The following DCDC2 variants were observed in gnomAD, a reference collection of about 807,000 sequenced individuals.
DCDC2 encodes the protein doublecortin domain containing 2.
In DCDC2, 40 loss-of-function variants were observed where a neutral mutation model predicts 50.2. The observed-to-expected ratio is 0.80, with a 90% CI of 0.62 to 1.04. The LOEUF (loss-of-function observed/expected upper bound fraction) is 1.04, where lower values mean the gene tolerates loss of function less well. Among genes scored for constraint, DCDC2 ranks in the 50% least tolerant of loss-of-function variants. DCDC2 has a pLI of 0.00. For synonymous variants in DCDC2, 234 were observed against 210.6 expected, an observed-to-expected ratio of 1.11 and a Z score of -0.96; for missense variants, 570 against 581.9, an observed-to-expected ratio of 0.98 and a Z score of 0.21.
chr6:24,338,351 TA>T (rs1255432277), intron 2 of DCDC2, among the ~76,000 whole-genome samples: 5 of 150,470 alleles, frequency 3.3e-5, no homozygotes, highest in East Asian at 1.9e-4. Context: ...TCACCGCCAT[TA>T]AAAAAAAACA....
At chr6:24,372,929 CA>C in the DCDC2 span, among the ~76,000 whole-genome samples, 36 of 150,930 alleles carry the variant, frequency 2.4e-4, no homozygotes, top group Middle Eastern at 3.4e-3. Context: ...AAAAATAAAA[CA>C]AAAAAAAGAA....
At chr6:24,366,330 A>G in the DCDC2 span, among the ~76,000 whole-genome samples, 1 of 152,176 alleles carries the variant, frequency 6.6e-6, no homozygotes, top group Non-Finnish European at 1.5e-5. Context: ...TTACAATTTT[A>G]TTTCTCTGAA....
intron 6 of DCDC2, among the ~76,000 whole-genome samples, chr6:24,284,999 G>A (rs1357410563): frequency 6.6e-6 from 1 of 152,002 alleles, no homozygotes; most frequent in Middle Eastern, 3.4e-3. Flanking sequence ...CTAGTTGATC[G>A]TCTGTCTACT....
At chr6:24,196,314 C>T (rs1188227841) in intron 8 of DCDC2, among the ~76,000 whole-genome samples, 1 of 151,920 alleles carries the variant, frequency 6.6e-6, no homozygotes. Flanking sequence ...CTCTAATTAA[C>T]ATGGTACAGC....
At chr6:24,333,695 TA>T (rs1246401170) in intron 2 of DCDC2, among the ~76,000 whole-genome samples, 1 of 152,200 alleles carries the variant, frequency 6.6e-6, no homozygotes, top group Non-Finnish European at 1.5e-5. Context: ...TGATGAGTTT[TA>T]AACTCAATGG....
intron 2 of DCDC2, among the ~76,000 whole-genome samples, chr6:24,306,668 G>A (rs556287517): frequency 1.3e-5 from 2 of 152,154 alleles, no homozygotes; most frequent in African/African-American, 2.4e-5. Context: ...TAGGAGTCTA[G>A]TGCAGAATTT....
Position 24,174,606 on chromosome 6 carries a change from T to A in DCDC2, c.*124A>T, listed in dbSNP as rs7764902. On this transcript the variant is annotated 3_prime_UTR_variant, in exon 10 of 10. Transcript: ENST00000378454. ...TCTTTCCACTAGGCTTCTAATGTTA[T>A]AATTCGTAGGTAGTATTCGACCATA... The A allele has an allele frequency of 0.064, 37,458 of 585,542 alleles. 5,438 individuals are homozygous for A. Among genetic ancestry groups the A allele is most frequent in the African/African-American group, 0.43 (23,227 of 53,436 alleles). The allele number at this position is 585,542 out of a possible 1,614,324, so 36.3% of individuals were successfully genotyped here. A position where few individuals can be genotyped will look rare whatever the true frequency, so the allele number is the denominator to read the frequency against.
intron 6 of DCDC2, among the ~76,000 whole-genome samples, chr6:24,282,410 T>G (rs184413110): frequency 6.6e-6 from 1 of 151,678 alleles, no homozygotes; most frequent in East Asian, 1.9e-4. Flanking sequence ...ACCTGGCTAA[T>G]TTTTGTATTT....
intron 2 of DCDC2, among the ~76,000 whole-genome samples, chr6:24,317,470 A>G (rs1243686363): frequency 6.6e-6 from 1 of 152,070 alleles, no homozygotes; most frequent in Non-Finnish European, 1.5e-5. Flanking sequence ...TTCGATCCAT[A>G]TCTTATACTA....
rs546902916 is a variant in DCDC2 at position 24,239,929 on chromosome 6, TATA to T, written c.923-34830_923-34828del. Among the ~76,000 whole-genome samples, 411 of 152,334 alleles carry T rather than the reference TATA, an allele frequency of 2.7e-3. 1 individual carries two copies. Among genetic ancestry groups the T allele is most frequent in the African/African-American group, 9.3e-3 (387 of 41,578 alleles). On this transcript the variant is annotated intron_variant, in intron 7 of 9. Coordinates refer to ENST00000378454, the MANE Select transcript of DCDC2 (RefSeq NM_016356.5). ...AAAATCACTTGGAAGAAAACATACA[TATA>T]ATAATATCATTCTGTAAAACAAAAC...
intron 7 of DCDC2, among the ~76,000 whole-genome samples, chr6:24,221,057 G>C (rs1303867131): frequency 6.6e-6 from 1 of 152,138 alleles, no homozygotes; most frequent in Non-Finnish European, 1.5e-5. Context: ...TTTTAGAAGA[G>C]ATTTGGGTGG....
Position 24,214,832 on chromosome 6 carries a change from TATC to T in DCDC2, c.923-9733_923-9731del, listed in dbSNP as rs543264739. Among the ~76,000 whole-genome samples the T allele has an allele frequency of 9.6e-4, 147 of 152,350 alleles. 1 individual carries two copies. The highest frequency in any genetic ancestry group is 3.4e-3 in the African/African-American group (142 of 41,582). ...TAGCCATACTTCTATACGCTAGATT[TATC>T]ATCATAACAAATGAAGTATCTGCCT... On this transcript the variant is annotated intron_variant, in intron 7 of 9. Transcript: ENST00000378454.
intron 9 of DCDC2, among the ~76,000 whole-genome samples, chr6:24,177,133 A>G (rs1760939521): frequency 1.3e-5 from 2 of 152,214 alleles, no homozygotes. Context: ...TACTACAACA[A>G]AGAGTTGTAT....
intron 2 of DCDC2, among the ~76,000 whole-genome samples, chr6:24,324,393 T>C (rs1759823720): frequency 6.6e-6 from 1 of 152,084 alleles, no homozygotes; most frequent in South Asian, 2.1e-4. Context: ...GAAAAACACA[T>C]AAAGAAATAA....
intron 7 of DCDC2, among the ~76,000 whole-genome samples, chr6:24,269,121 T>C (rs1763185660): frequency 6.6e-6 from 1 of 152,188 alleles, no homozygotes; most frequent in African/African-American, 2.4e-5. Flanking sequence ...AGAGTTCATA[T>C]ACAAAATAGG....
intron 7 of DCDC2, among the ~76,000 whole-genome samples, chr6:24,243,066 C>A (rs985118085): frequency 1.3e-5 from 2 of 152,138 alleles, no homozygotes; most frequent in Non-Finnish European, 2.9e-5. Context: ...GCTTGGGAGT[C>A]CACCCTCTGA....
At chr6:24,201,509 A>C (rs1467361432) in intron 8 of DCDC2, among the ~76,000 whole-genome samples, 1 of 152,224 alleles carries the variant, frequency 6.6e-6, no homozygotes, top group Non-Finnish European at 1.5e-5. Flanking sequence ...AGCAGTGTTT[A>C]GAGGGAAATT....
chr6:24,273,891 C>A (rs536058762), intron 7 of DCDC2, among the ~76,000 whole-genome samples: 1 of 152,208 alleles, frequency 6.6e-6, no homozygotes, highest in African/African-American at 2.4e-5. Context: ...TCTGCCGGCA[C>A]CACACCTGCT....
At chr6:24,308,653 A>T (rs1201421369) in intron 2 of DCDC2, among the ~76,000 whole-genome samples, 1 of 152,234 alleles carries the variant, frequency 6.6e-6, no homozygotes, top group East Asian at 1.9e-4. Context: ...ATTTTAATAT[A>T]AATGTTATAA....
Sources: gnomAD v4.1 joint callset for allele counts (sites outside exome capture counted in the v4.1 genomes callset) on GRCh38, gnomAD v4.1.1 for gene constraint, MANE v1.5 for transcripts, NCBI Gene and HGNC (gene_info 2026-07-23, HGNC 2026-07-21) for gene names.